Variants in SACM1L observed in about 807,000 individuals in gnomAD.
The protein encoded by SACM1L is SAC1 like phosphatidylinositide phosphatase, also known as phosphatidylinositol-3-phosphatase SAC1.
Under a neutral mutation model 89.5 loss-of-function variants are expected in SACM1L, and 32 were observed. The observed-to-expected ratio is 0.36, with a 90% CI of 0.27 to 0.48. SACM1L has a LOEUF of 0.48. Ranked by LOEUF, SACM1L falls within the 20% of genes least tolerant of loss-of-function variation. The probability of loss-of-function intolerance (pLI) is 0.99; values close to 1 mark genes in which losing one functional copy is unlikely to be tolerated. For missense variants in SACM1L, 543 were observed against 708.5 expected (o/e 0.77, Z 2.65); for synonymous variants, 213 against 232.8 (o/e 0.92, Z 0.77).
chr3:45,716,005 G>A (rs1373367134), intron 7 of SACM1L, among the ~76,000 whole-genome samples: 2 of 152,088 alleles, frequency 1.3e-5, no homozygotes, highest in African/African-American at 2.4e-5. Context: ...TTGACTAGAA[G>A]TAAAATCATA....
At chr3:45,734,975 A>T (rs1393893760) in intron 13 of SACM1L, 1 of 363,218 alleles carries the variant, frequency 2.8e-6, no homozygotes, top group Non-Finnish European at 4.9e-6. Context: ...TAATACTCTT[A>T]ACTTTACTTT....
At chr3:45,729,843 AT>A (rs1281520061) in intron 11 of SACM1L, among the ~76,000 whole-genome samples, 5 of 145,472 alleles carry the variant, frequency 3.4e-5, no homozygotes, top group African/African-American at 2.5e-5. Context: ...GGTTTTGGCT[AT>A]TTTTTTTTTC....
At chr3:45,743,332 G>A (rs967856118) in intron 19 of SACM1L, among the ~76,000 whole-genome samples, 2 of 152,204 alleles carry the variant, frequency 1.3e-5, no homozygotes, top group African/African-American at 4.8e-5. Flanking sequence ...AACAGTTGAT[G>A]CTTTATCAAG....
chr3:45,719,719 T>A (rs1698746228), intron 8 of SACM1L, 118 bp downstream of exon 8: 1 of 563,372 alleles, frequency 1.8e-6, no homozygotes, highest in Admixed American at 3.6e-5. Flanking sequence ...TTGCTAAGTA[T>A]TTATCTCCTG....
At position 45,743,846 on chromosome 3, in the gene SACM1L, C is replaced by T. The variant is rs911856514; in HGVS notation, c.*177C>T. 1.9e-6 allele frequency: 1 copy of T among 525,636 alleles called. No homozygotes were observed. Among genetic ancestry groups the T allele is most frequent in the Non-Finnish European group, 3.2e-6 (1 of 310,562 alleles). The allele number at this position is 525,636 out of a possible 1,614,324, so 32.6% of individuals were successfully genotyped here. ...GATCTGATGTTACTGCCTTGATGGT[C>T]TCTTTACTATTGGGACAGTTAGATT... On this transcript the variant is annotated 3_prime_UTR_variant, in exon 20 of 20. Coordinates refer to ENST00000389061, the MANE Select transcript of SACM1L (RefSeq NM_014016.5).
At chr3:45,702,538 T>C (rs1354168388) in intron 1 of SACM1L, among the ~76,000 whole-genome samples, 5 of 152,258 alleles carry the variant, frequency 3.3e-5, no homozygotes, top group Non-Finnish European at 7.3e-5. Context: ...TATCTTCTCC[T>C]GTGCCTACCT....
chr3:45,713,218 C>A (rs748786879), intron 6 of SACM1L, 22 bp downstream of exon 6: 1 of 1,588,874 alleles, frequency 6.3e-7, no homozygotes, highest in Admixed American at 1.7e-5. Context: ...GAAATAAAAT[C>A]TGCTTAATTG....
intron 5 of SACM1L, among the ~76,000 whole-genome samples, chr3:45,712,070 A>G (rs1036906128): frequency 2.0e-5 from 3 of 152,182 alleles, no homozygotes; most frequent in Non-Finnish European, 4.4e-5. Context: ...AATAATAAGT[A>G]TGACTGGTAC....
chr3:45,706,734 G>C (rs759289212), intron 3 of SACM1L, 46 bp from the exon 4 acceptor site: 3 of 1,500,238 alleles, frequency 2.0e-6, no homozygotes, highest in Non-Finnish European at 2.7e-6. Context: ...TCTACCTTTA[G>C]AGTTACTATT....
chr3:45,734,685 TC>T (rs1699160245), intron 13 of SACM1L: 1 of 152,182 alleles, frequency 6.6e-6, no homozygotes, highest in Admixed American at 6.6e-5. Flanking sequence ...GCTCAAGTAA[TC>T]CTTCCACCTC....
rs1052825330 is a variant in SACM1L at position 45,698,032 on chromosome 3, A to G, written c.33-5406A>G. 2.0e-5 allele frequency among the ~76,000 whole-genome samples: 3 copies of G among 152,248 alleles called. No homozygotes were observed. In the South Asian group the frequency reaches 6.2e-4, roughly 32 times the overall value. On this transcript the variant is annotated intron_variant, in intron 1 of 19. Transcript: ENST00000389061. ...AAATAGCAATAAAACAATACACACC[A>G]GGAAAAATTATACCACTGAATGTTT...
In SACM1L at chr3:45,744,452, A is replaced by G. The variant is rs1279324980; in HGVS notation, c.*783A>G. 1 of 152,658 alleles carries G rather than the reference A, an allele frequency of 6.6e-6. No individual in the cohort carries two copies. The highest frequency in any genetic ancestry group is 6.5e-5 in the Admixed American group (1 of 15,286). 9.5% of individuals were successfully genotyped at this position (152,658 alleles called of 1,614,324 possible). A position where few individuals can be genotyped will look rare whatever the true frequency, so the allele number is the denominator to read the frequency against. ...GATTATCCCAATGTGGAAGATGCCCATGACTGGTCAGCTACTTCCTCCTAT... is the reference window on the plus strand; with the variant it reads ...GATTATCCCAATGTGGAAGATGCCCGTGACTGGTCAGCTACTTCCTCCTAT... On this transcript the variant is annotated 3_prime_UTR_variant, in exon 20 of 20. Transcript: ENST00000389061.
chr3:45,738,312 C>G (rs1322472895), intron 16 of SACM1L, among the ~76,000 whole-genome samples: 1 of 152,190 alleles, frequency 6.6e-6, no homozygotes, highest in Non-Finnish European at 1.5e-5. Context: ...TACCACTTAA[C>G]CTGGGCTATG....
At chr3:45,698,577 T>C (rs1396490099) in intron 1 of SACM1L, among the ~76,000 whole-genome samples, 1 of 152,194 alleles carries the variant, frequency 6.6e-6, no homozygotes, top group Non-Finnish European at 1.5e-5. Context: ...TGAGACAAAG[T>C]CTCGCTCTTG....
intron 2 of SACM1L, 88 bp downstream of exon 2, chr3:45,703,623 AGT>A: frequency 2.4e-6 from 2 of 835,034 alleles, no homozygotes; most frequent in South Asian, 3.1e-5. Context: ...GAGGTGTGTC[AGT>A]GTGTGGATCT....
chr3:45,697,687 GAT>G (rs1698164398), intron 1 of SACM1L, among the ~76,000 whole-genome samples: 1 of 152,308 alleles, frequency 6.6e-6, no homozygotes, highest in South Asian at 2.1e-4. Context: ...ATGCTATTTT[GAT>G]ATATCTTCCA....
At chr3:45,739,674 G>A in intron 19 of SACM1L, 30 bp downstream of exon 19, 1 of 1,603,154 alleles carries the variant, frequency 6.2e-7, no homozygotes, top group Non-Finnish European at 8.5e-7. Context: ...TTGTTTCTTA[G>A]TTAGAATGTT....
rs1698585723 is a variant in SACM1L, at chr3:45,714,080, G to A, written c.577+1G>A. On this transcript the variant is annotated splice_donor_variant, in intron 7 of 19. Transcript: ENST00000389061. LOFTEE classifies it high-confidence loss of function. ...TTTGCCCTTCCAGTGTTACATGGCT[G>A]TATCCTTACATGATATTACTCTTTA... 6.5e-7 allele frequency: 1 copy of A among 1,543,716 alleles called. No homozygotes were observed. The highest frequency in any genetic ancestry group is 8.8e-7 in the Non-Finnish European group (1 of 1,133,120).
intron 2 of SACM1L, among the ~76,000 whole-genome samples, chr3:45,704,718 T>A (rs145018417): frequency 6.6e-6 from 1 of 152,272 alleles, no homozygotes; most frequent in East Asian, 1.9e-4. Flanking sequence ...AAGCTAAAGG[T>A]CATGAATAGT....
Sources: allele counts gnomAD v4.1 joint callset (sites outside exome capture counted in the v4.1 genomes callset), GRCh38; gene constraint gnomAD v4.1.1; transcripts MANE v1.5; gene names NCBI Gene and HGNC (gene_info 2026-07-23, HGNC 2026-07-21).